The following NRXN1 variants were observed in gnomAD, a reference collection of about 807,000 sequenced individuals.
NRXN1 encodes the protein neurexin-1.
In NRXN1, 39 loss-of-function variants were observed where a neutral mutation model predicts 150.9. That is an observed-to-expected ratio of 0.26 (90% CI 0.20 to 0.34). NRXN1 has a LOEUF of 0.34. NRXN1 is among the 10% of genes least tolerant of loss of function. The probability of loss-of-function intolerance (pLI) is 1.00; values close to 1 mark genes in which losing one functional copy is unlikely to be tolerated. For synonymous variants in NRXN1, 924 were observed against 757.0 expected, an observed-to-expected ratio of 1.22 and a Z score of -3.62; for missense variants, 1,815 against 1,949.9, an observed-to-expected ratio of 0.93 and a Z score of 1.30.
intron 17 of NRXN1, among the ~76,000 whole-genome samples, chr2:50,423,961 C>T (rs546756228): frequency 3.3e-5 from 5 of 151,998 alleles, no homozygotes; most frequent in Non-Finnish European, 7.4e-5. Flanking sequence ...ACTTCCAGAA[C>T]TGAAAATTTA....
chr2:50,554,970 A>C (rs898105452), intron 8 of NRXN1, among the ~76,000 whole-genome samples: 1 of 152,198 alleles, frequency 6.6e-6, no homozygotes, highest in East Asian at 1.9e-4. Context: ...TTTTTTGAAA[A>C]GAGAAAGATC....
At chr2:50,632,026 TAAGTA>T (rs527734242) in intron 5 of NRXN1, among the ~76,000 whole-genome samples, 66 of 152,072 alleles carry the variant, frequency 4.3e-4, no homozygotes, top group Non-Finnish European at 7.4e-4. Context: ...ACTTAATAAA[TAAGTA>T]AATTATAATA....
chr2:50,660,647 A>G (rs1432236686), intron 5 of NRXN1, among the ~76,000 whole-genome samples: 1 of 152,038 alleles, frequency 6.6e-6, no homozygotes, highest in African/African-American at 2.4e-5. Context: ...TGACAGTAGC[A>G]AGACCGACTG....
chr2:50,468,001 A>G (rs1558783019), intron 16 of NRXN1, among the ~76,000 whole-genome samples: 1 of 151,602 alleles, frequency 6.6e-6, no homozygotes, highest in Non-Finnish European at 1.5e-5. Flanking sequence ...GCATATTTTT[A>G]AAAATAAAAT....
intron 12 of NRXN1, among the ~76,000 whole-genome samples, chr2:50,527,482 A>C (rs1417478313): frequency 6.6e-6 from 1 of 152,152 alleles, no homozygotes; most frequent in Non-Finnish European, 1.5e-5. Flanking sequence ...ATTGGTTATA[A>C]TTTATTAACT....
At chr2:50,764,108 T>C (rs1292356652) in intron 5 of NRXN1, among the ~76,000 whole-genome samples, 1 of 151,752 alleles carries the variant, frequency 6.6e-6, no homozygotes, top group Non-Finnish European at 1.5e-5. Flanking sequence ...TTTTTAATTC[T>C]ACTGGCCGGG....
At chr2:50,225,390 A>G (rs1268091598) in intron 18 of NRXN1, among the ~76,000 whole-genome samples, 1 of 152,006 alleles carries the variant, frequency 6.6e-6, no homozygotes, top group Non-Finnish European at 1.5e-5. Flanking sequence ...GGACATGTAA[A>G]GATACATAGT....
intron 8 of NRXN1, among the ~76,000 whole-genome samples, chr2:50,573,139 G>A (rs1308350120): frequency 6.6e-6 from 1 of 152,074 alleles, no homozygotes; most frequent in Non-Finnish European, 1.5e-5. Context: ...GGAGGTTGGG[G>A]CAGGAGGATT....
rs556939159 is a variant in NRXN1, at chr2:50,766,464, G to A, written c.833-142849C>T. The stretch of plus-strand genomic sequence containing the variant: ...GTGATTGGCAGGAGCTTTGAGAGAG[G>A]CAAGGGCTGAGTAGGTAGGTGGGGA... On this transcript the variant is annotated intron_variant, in intron 5 of 22. Coordinates refer to ENST00000401669, the MANE Select transcript of NRXN1 (RefSeq NM_001330078.2). Among the ~76,000 whole-genome samples the A allele has an allele frequency of 2.8e-4, 42 of 152,136 alleles. No homozygotes were observed. In the Middle Eastern group the frequency reaches 0.014, roughly 49 times the overall value.
intron 15 of NRXN1, among the ~76,000 whole-genome samples, chr2:50,485,160 ATG>A (rs1258813200): frequency 6.6e-6 from 1 of 152,198 alleles, no homozygotes; most frequent in East Asian, 1.9e-4. Context: ...CAGAGACCGT[ATG>A]TGTAAAATAA....
At position 50,746,073 on chromosome 2, in the gene NRXN1, T is replaced by C. The variant is rs570901815; in HGVS notation, c.833-122458A>G. ...GGAAGCTCCATTTCAATTTCTGAGCTAAAACTTTTTCTCCTGGCACCCAAA... is the reference window on the plus strand; with the variant it reads ...GGAAGCTCCATTTCAATTTCTGAGCCAAAACTTTTTCTCCTGGCACCCAAA... On this transcript the variant is annotated intron_variant, in intron 5 of 22. Coordinates refer to ENST00000401669, the MANE Select transcript of NRXN1 (RefSeq NM_001330078.2). Among the ~76,000 whole-genome samples the C allele has an allele frequency of 2.6e-5, 4 of 152,316 alleles. No homozygotes were observed. In the East Asian group the frequency reaches 5.8e-4, roughly 22 times the overall value.
intron 17 of NRXN1, among the ~76,000 whole-genome samples, chr2:50,344,081 C>A (rs973146614): frequency 2.0e-5 from 3 of 152,006 alleles, no homozygotes; most frequent in Non-Finnish European, 4.4e-5. Context: ...GTCCTTTGTC[C>A]CAACAACTAG....
intron 5 of NRXN1, among the ~76,000 whole-genome samples, chr2:50,836,840 T>TAAAAAAAAAAAAAAAAAAAAAAAAA (rs369557045): frequency 8.8e-6 from 1 of 114,094 alleles, no homozygotes; most frequent in Non-Finnish European, 1.9e-5. Flanking sequence ...ATCATAATTG[T>TAAAAAAAAAAAAAAAAAAAAAAAAA]AAAAAAAAAA....
chr2:50,351,337 C>A (rs1265969139), intron 17 of NRXN1, among the ~76,000 whole-genome samples: 1 of 152,154 alleles, frequency 6.6e-6, no homozygotes, highest in Non-Finnish European at 1.5e-5. Flanking sequence ...TGCCCCAACA[C>A]CTCAGTCAGA....
At chr2:50,436,216 G>A (rs1382644359) in intron 17 of NRXN1, among the ~76,000 whole-genome samples, 3 of 152,184 alleles carry the variant, frequency 2.0e-5, no homozygotes, top group Non-Finnish European at 4.4e-5. Context: ...CACTTTGAGA[G>A]GCCGAGGCAG....
At chr2:49,928,207 G>C (rs75081763) in intron 22 of NRXN1, among the ~76,000 whole-genome samples, 1 of 150,572 alleles carries the variant, frequency 6.6e-6, no homozygotes, top group Non-Finnish European at 1.5e-5. Flanking sequence ...TGCCCAGCAC[G>C]CATCATTCTG....
At chr2:50,862,499 A>C (rs1676285561) in intron 5 of NRXN1, among the ~76,000 whole-genome samples, 1 of 152,040 alleles carries the variant, frequency 6.6e-6, no homozygotes, top group Non-Finnish European at 1.5e-5. Flanking sequence ...AAGTGGTCTA[A>C]GGTCAACTCA....
In NRXN1 at chr2:50,472,609, A is replaced by G. The variant is rs1377208982; in HGVS notation, c.3071-138T>C. The G allele has an allele frequency of 2.4e-5, 15 of 629,658 alleles. No homozygotes were observed. The East Asian group carries it at 3.7e-4, about 15-fold the overall frequency. 39.0% of individuals were successfully genotyped at this position (629,658 alleles called of 1,614,324 possible). Reference sequence around the variant, plus strand: ...TAATTTATGACTAGCTGTTTTCCCCAAAGTGCTAAACAATAGAGACGTTTG... The same window carrying G: ...TAATTTATGACTAGCTGTTTTCCCCGAAGTGCTAAACAATAGAGACGTTTG... On this transcript the variant is annotated intron_variant, in intron 15 of 22. Transcript: ENST00000401669.
chr2:50,790,188 T>A (rs1705733677), intron 5 of NRXN1, among the ~76,000 whole-genome samples: 1 of 151,868 alleles, frequency 6.6e-6, no homozygotes, highest in Non-Finnish European at 1.5e-5. Context: ...GTCCCATGGC[T>A]TCCGAATTAT....
Sources: allele counts gnomAD v4.1 joint callset (sites outside exome capture counted in the v4.1 genomes callset), GRCh38; gene constraint gnomAD v4.1.1; transcripts MANE v1.5; gene names NCBI Gene and HGNC (gene_info 2026-07-23, HGNC 2026-07-21).